SYTL2: variants seen among roughly 807,000 people sequenced by gnomAD.
SYTL2 encodes synaptotagmin like 2.
Under a neutral mutation model 198.7 loss-of-function variants are expected in SYTL2, and 165 were observed. That is an observed-to-expected ratio of 0.83 (90% CI 0.73 to 0.94). The LOEUF (loss-of-function observed/expected upper bound fraction) is 0.94. Ranked by LOEUF, SYTL2 falls within the 40% of genes least tolerant of loss-of-function variation. The pLI is 0.00. For synonymous variants in SYTL2, 966 were observed against 917.7 expected, an observed-to-expected ratio of 1.05 and a Z score of -0.95; for missense variants, 2,835 against 2,582.8, an observed-to-expected ratio of 1.10 and a Z score of -2.12.
At chr11:85,845,441 A>G in the SYTL2 span, among the ~76,000 whole-genome samples, 356 of 152,304 alleles carry the variant, frequency 2.3e-3, 3 homozygotes, top group African/African-American at 8.2e-3. Context: ...ATAGACAACT[A>G]ATACACTAAC....
At chr11:85,708,562 A>C (rs543860189) in intron 14 of SYTL2, among the ~76,000 whole-genome samples, 1 of 152,196 alleles carries the variant, frequency 6.6e-6, no homozygotes, top group Non-Finnish European at 1.5e-5. Context: ...TATAATTTAA[A>C]TATGAAAATT....
the SYTL2 span, among the ~76,000 whole-genome samples, chr11:85,848,945 T>A: frequency 6.6e-6 from 1 of 152,206 alleles, no homozygotes; most frequent in African/African-American, 2.4e-5. Context: ...TTATTTAAGT[T>A]AAACTTGGTT....
At chr11:85,702,739 CT>C (rs1311876941) in intron 16 of SYTL2, among the ~76,000 whole-genome samples, 1 of 152,280 alleles carries the variant, frequency 6.6e-6, no homozygotes, top group Admixed American at 6.5e-5. Context: ...CTAGAACGTT[CT>C]CATATGCAAT....
At chr11:85,804,809 A>T (rs1311161266) in intron 1 of SYTL2, among the ~76,000 whole-genome samples, 1 of 152,222 alleles carries the variant, frequency 6.6e-6, no homozygotes, top group Non-Finnish European at 1.5e-5. Flanking sequence ...TAGGTGCCAT[A>T]ACAGCAGTAG....
the SYTL2 span, chr11:85,852,794 AC>A: frequency 4.3e-6 from 1 of 232,078 alleles, no homozygotes; most frequent in South Asian, 4.3e-5. Context: ...CCCGGCCGCC[AC>A]CCCGTCTGGG....
intron 2 of SYTL2, among the ~76,000 whole-genome samples, chr11:85,754,297 T>A (rs749436154): frequency 5.3e-5 from 8 of 152,140 alleles, no homozygotes; most frequent in Admixed American, 5.2e-4. Context: ...CTTCATATCA[T>A]TGTCCAGAGC....
At chr11:85,792,776 C>A (rs186775602) in intron 1 of SYTL2, among the ~76,000 whole-genome samples, 6 of 151,138 alleles carry the variant, frequency 4.0e-5, no homozygotes, top group Admixed American at 2.0e-4. Context: ...TATCCCTCCC[C>A]GCTCCCCACA....
At chr11:85,852,913 C>T in the SYTL2 span, 1 of 295,954 alleles carries the variant, frequency 3.4e-6, no homozygotes, top group Non-Finnish European at 6.7e-6. Flanking sequence ...GGCCGCGACC[C>T]CGTCTGGGAG....
the SYTL2 span, among the ~76,000 whole-genome samples, chr11:85,820,823 A>C: frequency 6.6e-6 from 1 of 152,254 alleles, no homozygotes; most frequent in Non-Finnish European, 1.5e-5. Context: ...TGCACACTTA[A>C]GATTTGGGCA....
At chr11:85,791,162 G>A (rs1229097786) in intron 1 of SYTL2, among the ~76,000 whole-genome samples, 2 of 51,540 alleles carry the variant, frequency 3.9e-5, no homozygotes, top group Non-Finnish European at 6.6e-5. Flanking sequence ...GCTAGAGTCT[G>A]CCTCAAAAAA....
At chr11:85,707,651 G>T in intron 14 of SYTL2, 120 bp from the exon 15 acceptor site, 1 of 677,960 alleles carries the variant, frequency 1.5e-6, no homozygotes. Context: ...ACTGAGAAAA[G>T]CAGTGAATAA....
intron 8 of SYTL2, among the ~76,000 whole-genome samples, chr11:85,722,425 T>C (rs184000368): frequency 0.012 from 1,769 of 152,124 alleles, 18 homozygotes; most frequent in Middle Eastern, 0.02. Context: ...CTGCCCGCCT[T>C]GGCCTCCCAA....
At chr11:85,787,695 C>CCTTTTTTTTTTTT (rs1566023900) in intron 1 of SYTL2, among the ~76,000 whole-genome samples, 1 of 102,694 alleles carries the variant, frequency 9.7e-6, no homozygotes, top group Admixed American at 1.1e-4. Flanking sequence ...GTTTTTTTTT[C>CCTTTTTTTTTTTT]TTTTCCTTTT....
intron 1 of SYTL2, among the ~76,000 whole-genome samples, chr11:85,771,780 T>G (rs532131726): frequency 1.3e-5 from 2 of 152,332 alleles, no homozygotes; most frequent in East Asian, 3.8e-4. Flanking sequence ...CTTAGTTTGC[T>G]CATCTCTAAA....
At position 85,768,809 on chromosome 11, in the gene SYTL2, T is replaced by G. The variant is rs1188803977; in HGVS notation, c.-389-10695A>C. ...AGGAGAAAAGTTGGGTGAAAGGATC[T>G]CATTCTTCAAACACAAGAATTCTCC... On this transcript the variant is annotated intron_variant, in intron 1 of 19. Coordinates refer to ENST00000359152, the MANE Select transcript of SYTL2 (RefSeq NM_206927.4). 2.0e-5 allele frequency among the ~76,000 whole-genome samples: 3 copies of G among 152,268 alleles called. No homozygotes were observed. The East Asian group carries it at 5.8e-4, about 29-fold the overall frequency.
At chr11:85,837,600 T>C in the SYTL2 span, among the ~76,000 whole-genome samples, 2 of 152,140 alleles carry the variant, frequency 1.3e-5, no homozygotes, top group Non-Finnish European at 2.9e-5. Flanking sequence ...TGGGAAGCCA[T>C]ATGATGGAGC....
rs1254670279 is a variant in SYTL2, at chr11:85,734,190, C to CT, written c.1138dup (p.Ser380LysfsTer2). 6.2e-7 allele frequency: 1 copy of CT among 1,614,070 alleles called. No individual in the cohort carries two copies. Among genetic ancestry groups the CT allele is most frequent in the Non-Finnish European group, 8.5e-7 (1 of 1,180,024 alleles). ...TCTGTATTGAGAAGGCTTAGGGTCA[C>CT]TCTGAAACTCTTCTGTGTCCCCTGC... On this transcript the variant is annotated frameshift_variant, in exon 7 of 20. Coordinates refer to ENST00000359152, the MANE Select transcript of SYTL2 (RefSeq NM_206927.4). LOFTEE classifies it high-confidence loss of function.
chr11:85,714,886 CTA>C (rs2086908568), intron 11 of SYTL2: 1 of 177,424 alleles, frequency 5.6e-6, no homozygotes, highest in Non-Finnish European at 1.2e-5. Context: ...AGATATATCA[CTA>C]ACACACTGCA....
the SYTL2 span, among the ~76,000 whole-genome samples, chr11:85,823,580 T>C: frequency 6.6e-6 from 1 of 152,234 alleles, no homozygotes. Flanking sequence ...TTTTTGTTTC[T>C]TTAAGTTTCC....
Sources: allele counts gnomAD v4.1 joint callset (sites outside exome capture counted in the v4.1 genomes callset), GRCh38; gene constraint gnomAD v4.1.1; transcripts MANE v1.5; gene names NCBI Gene and HGNC (gene_info 2026-07-23, HGNC 2026-07-21).